MAOA: variants seen among roughly 807,000 people sequenced by gnomAD.
MAOA encodes monoamine oxidase A, also known as amine oxidase [flavin-containing] A.
In MAOA, 6 loss-of-function variants were observed where a neutral mutation model predicts 42.0. The observed-to-expected ratio is 0.14, with a 90% CI of 0.08 to 0.28. The LOEUF is 0.28. MAOA is among the 10% of genes least tolerant of loss of function. The pLI, the probability that MAOA is intolerant of heterozygous loss-of-function variation, is 1.00. For missense variants in MAOA, 262 were observed against 422.3 expected (o/e 0.62, Z 3.33); for synonymous variants, 140 against 154.0 (o/e 0.91, Z 0.67).
chrX:43,720,216 A>AG (rs1237767077), intron 5 of MAOA, among the ~76,000 whole-genome samples: 1 of 109,609 alleles, frequency 9.1e-6, no homozygotes, highest in Non-Finnish European at 1.9e-5. Flanking sequence ...GGGTGGTGTT[A>AG]GGGGATGGTG....
chrX:43,737,279 A>G (rs771337664), intron 10 of MAOA, among the ~76,000 whole-genome samples: 4 of 110,986 alleles, frequency 3.6e-5, no homozygotes, highest in East Asian at 2.8e-4. Flanking sequence ...AATAAACTCT[A>G]CTCACTCAAT....
chrX:43,687,185 T>C (rs1224269278), intron 2 of MAOA, among the ~76,000 whole-genome samples: 1 of 112,261 alleles, frequency 8.9e-6, no homozygotes, highest in Non-Finnish European at 1.9e-5. Flanking sequence ...CCCCAAAGAC[T>C]GAGGTGCAAC....
chrX:43,657,158 ATATATATATATGAACTGTGTT>A, intron 1 of MAOA, among the ~76,000 whole-genome samples: 1 of 92,411 alleles, frequency 1.1e-5, no homozygotes, highest in Non-Finnish European at 2.1e-5. Flanking sequence ...AACTGTGTTT[ATATATATATATGAACTGTGTT>A]TATATATATA....
chrX:43,673,402 G>A (rs1318737129), intron 1 of MAOA, among the ~76,000 whole-genome samples: 25 of 107,617 alleles, frequency 2.3e-4, no homozygotes, highest in African/African-American at 8.1e-4. Flanking sequence ...TCCTGGATTC[G>A]TTAATTTTTT....
At chrX:43,667,235 C>G (rs1346036539) in intron 1 of MAOA, among the ~76,000 whole-genome samples, 1 of 111,576 alleles carries the variant, frequency 9.0e-6, no homozygotes, top group South Asian at 3.8e-4. Flanking sequence ...TCACTCTCCC[C>G]TTACTCTGCT....
intron 10 of MAOA, among the ~76,000 whole-genome samples, chrX:43,738,840 ATAAGT>A (rs1387659954): frequency 9.0e-6 from 1 of 111,433 alleles, no homozygotes; most frequent in Non-Finnish European, 1.9e-5. Context: ...AATAACAGTA[ATAAGT>A]TAAGTACTGT....
intron 3 of MAOA, among the ~76,000 whole-genome samples, chrX:43,708,170 T>C (rs755894394): frequency 5.5e-4 from 61 of 111,129 alleles, no homozygotes; most frequent in Non-Finnish European, 1.0e-3. Flanking sequence ...CACTGCCCTT[T>C]AGAGATTAAA....
At chrX:43,742,358 T>C (rs181929262) in intron 12 of MAOA, among the ~76,000 whole-genome samples, 1 of 112,499 alleles carries the variant, frequency 8.9e-6, no homozygotes, top group African/African-American at 3.2e-5. Context: ...TAGTCTCACA[T>C]GACTGCCTTA....
At chrX:43,682,063 A>G (rs1166647373) in intron 1 of MAOA, among the ~76,000 whole-genome samples, 3 of 109,515 alleles carry the variant, frequency 2.7e-5, no homozygotes, top group Non-Finnish European at 5.7e-5. Flanking sequence ...TTGTATTTTT[A>G]GTAGAGATGG....
At chrX:43,657,935 T>C (rs2033198362) in intron 1 of MAOA, 4 of 752,801 alleles carry the variant, frequency 5.3e-6, no homozygotes, top group Non-Finnish European at 6.3e-6. Flanking sequence ...TACATGTATG[T>C]TGGAGCATCA....
At chrX:43,731,478 T>A in intron 7 of MAOA, 88 bp downstream of exon 7, 1 of 1,007,379 alleles carries the variant, frequency 9.9e-7, no homozygotes, top group Non-Finnish European at 1.4e-6. Context: ...AGCAGTAGCA[T>A]AATTAATGCT....
In MAOA at chrX:43,693,273, A is replaced by T; in HGVS notation, c.169-18A>T. ...AGTTTTAACTAAAGTCCTCTGACCA[A>T]TTTTTCTCTTTTTGCAGAATGAGCA... On this transcript the variant is annotated intron_variant, in intron 2 of 14. Coordinates refer to ENST00000338702, the MANE Select transcript of MAOA (RefSeq NM_000240.4). The T allele has an allele frequency of 8.3e-7, 1 of 1,209,293 alleles. No individual in the cohort carries two copies. Among genetic ancestry groups the T allele is most frequent in the Non-Finnish European group, 1.1e-6 (1 of 893,329 alleles).
At chrX:43,707,616 T>C (rs1353330640) in intron 3 of MAOA, among the ~76,000 whole-genome samples, 4 of 111,936 alleles carry the variant, frequency 3.6e-5, no homozygotes, top group African/African-American at 1.3e-4. Flanking sequence ...AAAACTACCA[T>C]CCTATTTAAT....
chrX:43,745,623 C>A lies in MAOA; in HGVS notation c.*1110C>A, dbSNP rs763965851. 1 of 111,101 alleles carries A rather than the reference C, an allele frequency of 9.0e-6. No individual in the cohort carries two copies. Among genetic ancestry groups the A allele is most frequent in the African/African-American group, 3.3e-5 (1 of 30,583 alleles). The allele number at this position is 111,101 out of a possible 1,213,427, so 9.2% of individuals were successfully genotyped here. On this transcript the variant is annotated 3_prime_UTR_variant, in exon 15 of 15. Transcript: ENST00000338702. ...GAAAAGAAATTAGGGCTCTAATTTC[C>A]TTAAAGCAAGCTCACTTGCTTTAGT... is the stretch of plus-strand genomic sequence containing the variant.
At chrX:43,693,730 G>A (rs1218221309) in intron 3 of MAOA, among the ~76,000 whole-genome samples, 1 of 109,394 alleles carries the variant, frequency 9.1e-6, no homozygotes, top group Non-Finnish European at 1.9e-5. Flanking sequence ...CCCTCCTAAT[G>A]CATTTGAAGG....
At chrX:43,739,207 C>A (rs2033942983) in intron 10 of MAOA, among the ~76,000 whole-genome samples, 2 of 112,067 alleles carry the variant, frequency 1.8e-5, no homozygotes, top group South Asian at 3.7e-4. Flanking sequence ...AGACTTCTTC[C>A]CATTCTTCTT....
intron 5 of MAOA, among the ~76,000 whole-genome samples, chrX:43,723,035 A>G (rs778300684): frequency 9.0e-6 from 1 of 110,751 alleles, no homozygotes; most frequent in South Asian, 3.8e-4. Flanking sequence ...GTTCTGTTCC[A>G]TTGGTCTATA....
chrX:43,667,337 A>G (rs1031486049), intron 1 of MAOA, among the ~76,000 whole-genome samples: 2 of 111,127 alleles, frequency 1.8e-5, no homozygotes, highest in African/African-American at 6.6e-5. Context: ...CTTTCCCATA[A>G]AAGTGTAAGC....
At chrX:43,729,862 T>TA in intron 6 of MAOA, among the ~76,000 whole-genome samples, 1 of 111,244 alleles carries the variant, frequency 9.0e-6, no homozygotes, top group Non-Finnish European at 1.9e-5. Context: ...CGTGGCTGCT[T>TA]ATGCAGTTTT....
Sources: gnomAD v4.1 joint callset for allele counts (sites outside exome capture counted in the v4.1 genomes callset) on GRCh38, gnomAD v4.1.1 for gene constraint, MANE v1.5 for transcripts, NCBI Gene and HGNC (gene_info 2026-07-23, HGNC 2026-07-21) for gene names.